TBX18: variants seen among roughly 807,000 people sequenced by gnomAD.
TBX18 encodes T-box transcription factor TBX18.
TBX18 carries 21 observed loss-of-function variants against 55.0 expected under a neutral mutation model. That is an observed-to-expected ratio of 0.38 (90% confidence interval 0.27 to 0.55). The LOEUF is 0.55. TBX18 is among the 20% of genes least tolerant of loss of function. The pLI is 0.73. For synonymous variants in TBX18, 342 were observed against 326.1 expected (o/e 1.05, Z -0.53); for missense variants, 840 against 799.6 (o/e 1.05, Z -0.61).
intron 1 of TBX18, 126 bp downstream of exon 1, chr6:84,763,764 G>C (rs1298442913): frequency 4.9e-6 from 7 of 1,414,402 alleles, no homozygotes; most frequent in South Asian, 3.1e-5. Context: ...CGACTGACAC[G>C]GCCAATGCGC....
chr6:84,740,876 C>T (rs1767030120), intron 6 of TBX18, among the ~76,000 whole-genome samples: 1 of 152,174 alleles, frequency 6.6e-6, no homozygotes, highest in Non-Finnish European at 1.5e-5. Flanking sequence ...AAACTGACTA[C>T]AGAGATGTAT....
chr6:84,740,555 T>TGGCAGACCTGGTCAGTTC (rs138949587), intron 6 of TBX18, among the ~76,000 whole-genome samples: 11,414 of 152,192 alleles, frequency 0.075, 545 homozygotes, highest in Non-Finnish European at 0.11. Context: ...CTGGGCAGTT[T>TGGCAGACCTGGTCAGTTC]GGCAGACCTG....
At position 84,736,766 on chromosome 6, in the gene TBX18, C is replaced by T. The variant is rs1356926947; in HGVS notation, c.1743G>A (p.Gly581=). 7 of 1,613,754 alleles carry T rather than the reference C, an allele frequency of 4.3e-6. No individual in the cohort carries two copies. In the Admixed American group the frequency reaches 1.2e-4, roughly 27 times the overall value. The change falls in exon 8 of 8, where the codon GGG becomes GGA. Residue 581 remains glycine (G), a synonymous_variant. Transcript: ENST00000369663. Reference sequence around the variant, plus strand: ...TAGAGTCAAAGAAACTCTGCTGACCCCCACTGCTAAGCAGGTGCACTCCTT... The same window carrying T: ...TAGAGTCAAAGAAACTCTGCTGACCTCCACTGCTAAGCAGGTGCACTCCTT... ...PVEGVHLLSS[G]GQQSFFDSRT...
chr6:84,748,749 C>T (rs1459391920), intron 4 of TBX18, among the ~76,000 whole-genome samples: 1 of 152,144 alleles, frequency 6.6e-6, no homozygotes, highest in Non-Finnish European at 1.5e-5. Flanking sequence ...CAACTACCTT[C>T]TACCCAATGA....
At chr6:84,755,079 G>A (rs1434930015) in intron 4 of TBX18, among the ~76,000 whole-genome samples, 2 of 146,754 alleles carry the variant, frequency 1.4e-5, no homozygotes, top group African/African-American at 5.1e-5. Flanking sequence ...CCTATTTTCT[G>A]AAGAATGCTG....
chr6:84,750,365 T>A (rs1233416491), intron 4 of TBX18, among the ~76,000 whole-genome samples: 3 of 151,606 alleles, frequency 2.0e-5, no homozygotes, highest in Non-Finnish European at 4.4e-5. Flanking sequence ...TTGAAAGATA[T>A]CTTGCAGACA....
At position 84,764,258 on chromosome 6, in the gene TBX18, A is replaced by G; in HGVS notation, c.-77T>C. On this transcript the variant is annotated 5_prime_UTR_variant, in exon 1 of 8. Coordinates refer to ENST00000369663, the MANE Select transcript of TBX18 (RefSeq NM_001080508.3). Reference sequence around the variant, plus strand: ...ACACGCGCGCTCTCGCTCTTCCCCCACCAAAAACTAAAAGGCTCTCGGGGC... The same window carrying G: ...ACACGCGCGCTCTCGCTCTTCCCCCGCCAAAAACTAAAAGGCTCTCGGGGC... The G allele has an allele frequency of 2.3e-6, 3 of 1,296,054 alleles. No homozygotes were observed. The South Asian group carries it at 5.4e-5, about 23-fold the overall frequency. 80.3% of individuals were successfully genotyped at this position (1,296,054 alleles called of 1,614,324 possible).
At chr6:84,762,150 TAAAAG>T (rs1041535295) in intron 2 of TBX18, among the ~76,000 whole-genome samples, 10 of 137,328 alleles carry the variant, frequency 7.3e-5, no homozygotes, top group Admixed American at 3.1e-4. Flanking sequence ...TGTTTAAAAA[TAAAAG>T]AGAAAGGAAA....
Position 84,760,376 on chromosome 6 carries a change from G to C in TBX18, c.498-20C>G. The stretch of plus-strand genomic sequence containing the variant: ...ATGCGCCTATTTAAAAAGGCGAAGA[G>C]AAAGAGGGTTTGGGGTTTTTGTTTG... On this transcript the variant is annotated intron_variant, in intron 2 of 7. Coordinates refer to ENST00000369663, the MANE Select transcript of TBX18 (RefSeq NM_001080508.3). 6.3e-7 allele frequency: 1 copy of C among 1,578,820 alleles called. No individual in the cohort carries two copies.
chr6:84,763,750 T>A, intron 1 of TBX18, 140 bp downstream of exon 1: 1 of 1,411,710 alleles, frequency 7.1e-7, no homozygotes. Flanking sequence ...CGCGGCGAGC[T>A]TTGCGACTGA....
chr6:84,754,256 T>C (rs1767428072), intron 4 of TBX18, among the ~76,000 whole-genome samples: 1 of 152,186 alleles, frequency 6.6e-6, no homozygotes, highest in African/African-American at 2.4e-5. Context: ...TTTGCATCTT[T>C]TACCATACTG....
rs1172035128 is a variant in TBX18 at position 84,763,946 on chromosome 6, G to C, written c.236C>G (p.Ala79Gly). The change falls in exon 1 of 8, where the codon GCT becomes GGT. Residue 79 changes from alanine (A) to glycine (G), a missense_variant. Ala to Gly is a moderately conservative substitution (Grantham distance 60, BLOSUM62 0). Transcript: ENST00000369663. ...GDEGAALPPP[A>G]GATSGPARSG... ...CCGAGCCGGCCCAGACGTCGCCCCA[G>C]CCGGCGGCGGGAGCGCAGCGCCTTC... The C allele has an allele frequency of 6.3e-7, 1 of 1,579,794 alleles. No homozygotes were observed. Among genetic ancestry groups the C allele is most frequent in the African/African-American group, 1.4e-5 (1 of 73,404 alleles).
intron 3 of TBX18, among the ~76,000 whole-genome samples, chr6:84,757,182 C>T (rs1767513912): frequency 1.3e-5 from 2 of 152,110 alleles, no homozygotes; most frequent in African/African-American, 4.8e-5. Context: ...TGATATTTTC[C>T]ACTTTTCTTC....
chr6:84,744,709 C>T (rs1191986505), intron 5 of TBX18, among the ~76,000 whole-genome samples: 1 of 152,108 alleles, frequency 6.6e-6, no homozygotes, highest in Non-Finnish European at 1.5e-5. Context: ...GTTTCTATCT[C>T]AATAAAGCTA....
In TBX18 at chr6:84,762,506, G is replaced by C. The variant is rs751080762; in HGVS notation, c.497+38C>G. On this transcript the variant is annotated intron_variant, in intron 2 of 7. Coordinates refer to ENST00000369663, the MANE Select transcript of TBX18 (RefSeq NM_001080508.3). ...CTAGAGGTGAGTGAAGACAGGGTCT[G>C]GGGTAGGGAGGGGCGTCCACGCCAG... The C allele has an allele frequency of 3.1e-6, 5 of 1,608,990 alleles. No individual in the cohort carries two copies. In the African/African-American group the frequency reaches 5.3e-5, roughly 17 times the overall value.
intron 6 of TBX18, chr6:84,742,011 T>G (rs942734740): frequency 6.6e-6 from 1 of 152,134 alleles, no homozygotes; most frequent in Non-Finnish European, 1.5e-5. Context: ...TTTATAGATA[T>G]TTAGCATTCC....
At chr6:84,756,939 C>T (rs1582082992) in intron 3 of TBX18, 70 bp from the exon 4 acceptor site, 2 of 1,373,652 alleles carry the variant, frequency 1.5e-6, no homozygotes, top group East Asian at 4.7e-5. Flanking sequence ...TAGAATCAGA[C>T]AAAATGTGTG....
rs1317033801 is a variant in TBX18, at chr6:84,735,969, T to C, written c.*716A>G. 6.6e-6 allele frequency: 1 copy of C among 152,156 alleles called. No homozygotes were observed. The highest frequency in any genetic ancestry group is 1.5e-5 in the Non-Finnish European group (1 of 68,018). The allele number at this position is 152,156 out of a possible 1,614,324, so 9.4% of individuals were successfully genotyped here. Reference sequence around the variant, plus strand: ...GCAAAAAATCGAAAATACTGGAAATTTGTTCTCTACAGATGAATAAGAACC... The same window carrying C: ...GCAAAAAATCGAAAATACTGGAAATCTGTTCTCTACAGATGAATAAGAACC... On this transcript the variant is annotated 3_prime_UTR_variant, in exon 8 of 8. Coordinates refer to ENST00000369663, the MANE Select transcript of TBX18 (RefSeq NM_001080508.3).
intron 4 of TBX18, among the ~76,000 whole-genome samples, chr6:84,752,168 G>C (rs562635269): frequency 1.3e-5 from 2 of 149,614 alleles, no homozygotes; most frequent in African/African-American, 5.0e-5. Flanking sequence ...TCTACTTTAA[G>C]GACACCTAGA....
Sources: gnomAD v4.1 joint callset for allele counts (sites outside exome capture counted in the v4.1 genomes callset) on GRCh38, gnomAD v4.1.1 for gene constraint, MANE v1.5 for transcripts, NCBI Gene and HGNC (gene_info 2026-07-23, HGNC 2026-07-21) for gene names.